The following KTN1 variants were observed in gnomAD, a reference collection of about 807,000 sequenced individuals.
The protein encoded by KTN1 is kinectin.
Under a neutral mutation model 222.5 loss-of-function variants are expected in KTN1, and 130 were observed. The ratio of observed to expected loss-of-function variants is 0.58; its 90% CI spans 0.51 to 0.68. KTN1 has a LOEUF of 0.68. Among genes scored for constraint, KTN1 ranks in the 30% least tolerant of loss-of-function variants. The pLI is 0.00. For synonymous variants in KTN1, 512 were observed against 496.3 expected (o/e 1.03, Z -0.42); for missense variants, 1,508 against 1,500.4 (o/e 1.01, Z -0.08).
intron 41 of KTN1, among the ~76,000 whole-genome samples, chr14:55,677,489 A>G (rs1166149357): frequency 2.6e-5 from 4 of 151,816 alleles, no homozygotes; most frequent in African/African-American, 9.7e-5. Context: ...AAAAAAAAAA[A>G]AAAAAAGTTA....
intron 18 of KTN1, among the ~76,000 whole-genome samples, chr14:55,644,985 G>A (rs1410654960): frequency 1.3e-5 from 2 of 152,084 alleles, no homozygotes; most frequent in South Asian, 2.1e-4. Context: ...TACATGCTGA[G>A]GTTGCAGAGA....
At chr14:55,650,740 G>C in intron 24 of KTN1, 103 bp downstream of exon 24, 1 of 737,574 alleles carries the variant, frequency 1.4e-6, no homozygotes, top group Non-Finnish European at 2.3e-6. Flanking sequence ...GTATGCTGTA[G>C]GTATATTGGG....
intron 29 of KTN1, among the ~76,000 whole-genome samples, chr14:55,657,862 T>C (rs2880394): frequency 1 from 152,223 of 152,224 alleles, 76,111 homozygotes; most frequent in Non-Finnish European, 1. Flanking sequence ...TGCAGTGAGT[T>C]AAGATCACAC....
intron 42 of KTN1, chr14:55,678,688 A>T (rs1433826690): frequency 5.4e-5 from 22 of 409,292 alleles, no homozygotes; most frequent in African/African-American, 3.8e-4. Flanking sequence ...GGTACCAGTC[A>T]ATGGCTTTTT....
chr14:55,641,249 C>T, intron 17 of KTN1, 41 bp downstream of exon 17: 4 of 1,143,506 alleles, frequency 3.5e-6, no homozygotes, highest in Non-Finnish European at 5.1e-6. Context: ...CTTAGAACAA[C>T]CTTGTATACT....
chr14:55,672,516 T>G, intron 37 of KTN1, 114 bp from the exon 38 acceptor site: 1 of 622,646 alleles, frequency 1.6e-6, no homozygotes, highest in Non-Finnish European at 2.9e-6. Flanking sequence ...CTCTTTTAAA[T>G]GAGATGCATT....
intron 9 of KTN1, among the ~76,000 whole-genome samples, 196 bp downstream of exon 9, chr14:55,634,854 ATCTTCT>A (rs906853861): frequency 6.6e-6 from 1 of 152,158 alleles, no homozygotes; most frequent in African/African-American, 2.4e-5. Flanking sequence ...GCAGCAAAGC[ATCTTCT>A]TCACGAAGCA....
intron 16 of KTN1, 23 bp from the exon 17 acceptor site, chr14:55,641,103 TA>T (rs755013716): frequency 2.0e-6 from 3 of 1,535,562 alleles, no homozygotes; most frequent in Non-Finnish European, 2.7e-6. Flanking sequence ...TGAAGTATTT[TA>T]ATTTTTTTTT....
Position 55,612,231 on chromosome 14 carries a change from G to C in KTN1, c.183G>C (p.Lys61Asn). ...ATAAAAAGAAAGCAGAAAAGAAAAA[G>C]AATAAAAAGAAAGAAATCCAGAATG... is the stretch of plus-strand genomic sequence containing the variant. ...KTDKKKAEKKKNKKKEIQNGN... is the reference protein window; with the variant it reads ...KTDKKKAEKKNNKKKEIQNGN... Residue 61 changes from lysine (K) to asparagine (N), a missense_variant, in exon 2 of 44, where the codon AAG becomes AAC. Lys to Asn is a moderately conservative substitution (Grantham distance 94). Coordinates refer to ENST00000395314, the MANE Select transcript of KTN1 (RefSeq NM_001079521.2). 6.3e-7 allele frequency: 1 copy of C among 1,584,828 alleles called. No homozygotes were observed.
At chr14:55,671,679 A>G (rs751557633) in intron 36 of KTN1, 24 bp downstream of exon 36, 6 of 1,580,062 alleles carry the variant, frequency 3.8e-6, no homozygotes, top group Admixed American at 1.7e-5. Context: ...TTTAATCTAC[A>G]TTTTGATTTT....
At chr14:55,611,263 CTT>C (rs897315974) in intron 1 of KTN1, among the ~76,000 whole-genome samples, 612 of 116,002 alleles carry the variant, frequency 5.3e-3, no homozygotes, top group African/African-American at 0.02. Flanking sequence ...ATTTTCTTGT[CTT>C]TTTTTTTTTT....
intron 1 of KTN1, chr14:55,607,302 G>C (rs1272738559): frequency 6.6e-6 from 1 of 152,050 alleles, no homozygotes; most frequent in African/African-American, 2.4e-5. Context: ...GACGAAACAC[G>C]ACTTACATAT....
In KTN1 at chr14:55,612,196, A is replaced by G. The variant is rs774836687; in HGVS notation, c.148A>G (p.Thr50Ala). 3.8e-6 allele frequency: 6 copies of G among 1,587,470 alleles called. No homozygotes were observed. Among genetic ancestry groups the G allele is most frequent in the African/African-American group, 1.4e-5 (1 of 72,878 alleles). ...KQKREQKLIPTKTDKKKAEKK... is the reference protein window; with the variant it reads ...KQKREQKLIPAKTDKKKAEKK... The stretch of plus-strand genomic sequence containing the variant: ...GAAAAGAGAACAAAAGCTTATTCCT[A>G]CCAAAACAGATAAAAAGAAAGCAGA... The change falls in exon 2 of 44, where the codon ACC becomes GCC. Residue 50 changes from threonine to alanine, a missense_variant. Physicochemically the swap from Thr to Ala is moderately conservative, Grantham distance 58 (BLOSUM62 0). Transcript: ENST00000395314.
intron 31 of KTN1, among the ~76,000 whole-genome samples, chr14:55,661,060 A>C (rs2141221769): frequency 6.6e-6 from 1 of 152,354 alleles, no homozygotes. Flanking sequence ...TGAAAATGGC[A>C]GGAAAACACT....
chr14:55,659,700 A>C lies in KTN1; in HGVS notation c.2996A>C (p.Lys999Thr), dbSNP rs755410824. 36 of 1,464,912 alleles carry C rather than the reference A, an allele frequency of 2.5e-5. No individual in the cohort carries two copies. The Middle Eastern group carries it at 8.7e-4, about 35-fold the overall frequency. 90.7% of individuals were successfully genotyped at this position (1,464,912 alleles called of 1,614,324 possible). A position where few individuals can be genotyped will look rare whatever the true frequency, so the allele number is the denominator to read the frequency against. Residue 999 changes from lysine (K) to threonine (T), a missense_variant, in exon 31 of 44, where the codon AAA becomes ACA. Transcript: ENST00000395314. ...TTTCCCCCTCATGAAGAATTATTAA[A>C]AGTGTAAGTAATAAGTTTGAGTCAC... ...SSFPPHEELL[K>T]VISEREKEIS...
chr14:55,653,453 A>G (rs2043144188), intron 27 of KTN1, 106 bp from the exon 28 acceptor site: 1 of 803,514 alleles, frequency 1.2e-6, no homozygotes, highest in African/African-American at 1.7e-5. Flanking sequence ...TACTGCATAT[A>G]ATTATGTTTT....
intron 29 of KTN1, among the ~76,000 whole-genome samples, chr14:55,657,397 G>GTTTTTTTTTTTTTTTT (rs35297700): frequency 1.5e-5 from 2 of 137,672 alleles, no homozygotes; most frequent in African/African-American, 2.7e-5. Context: ...CTGAGTTGAC[G>GTTTTTTTTTTTTTTTT]TTTTTTTTTT....
chr14:55,635,679 G>A (rs2041042447), intron 9 of KTN1, among the ~76,000 whole-genome samples: 3 of 152,172 alleles, frequency 2.0e-5, no homozygotes, highest in Admixed American at 1.3e-4. Flanking sequence ...AGAATGATGA[G>A]TATAATTCTC....
intron 34 of KTN1, among the ~76,000 whole-genome samples, chr14:55,669,534 A>G (rs1421580740): frequency 6.6e-6 from 1 of 151,978 alleles, no homozygotes; most frequent in East Asian, 1.9e-4. Context: ...ATATAAAAAT[A>G]TATAAATTTT....
Sources: gnomAD v4.1 joint callset for allele counts (sites outside exome capture counted in the v4.1 genomes callset) on GRCh38, gnomAD v4.1.1 for gene constraint, MANE v1.5 for transcripts, NCBI Gene and HGNC (gene_info 2026-07-23, HGNC 2026-07-21) for gene names.